The following FOCAD variants were observed in gnomAD, a reference collection of about 807,000 sequenced individuals.
FOCAD encodes focadhesin, also known as KIAA1797.
FOCAD carries 198 observed loss-of-function variants against 225.6 expected under a neutral mutation model. The ratio of observed to expected loss-of-function variants is 0.88; its 90% CI spans 0.78 to 0.99. FOCAD has a LOEUF of 0.99. Ranked by LOEUF, FOCAD falls within the 50% of genes least tolerant of loss-of-function variation. The pLI is 0.00. For synonymous variants in FOCAD, 897 were observed against 755.0 expected, an observed-to-expected ratio of 1.19 and a Z score of -3.08; for missense variants, 2,713 against 2,123.6, an observed-to-expected ratio of 1.28 and a Z score of -5.46.
At chr9:20,812,789 G>A (rs1316062986) in intron 11 of FOCAD, among the ~76,000 whole-genome samples, 16 of 151,814 alleles carry the variant, frequency 1.1e-4, no homozygotes, top group Admixed American at 6.6e-5. Flanking sequence ...TTTAATCTTC[G>A]GTAAAATAAA....
At chr9:20,935,405 T>A (rs1341585554) in intron 28 of FOCAD, among the ~76,000 whole-genome samples, 1 of 152,160 alleles carries the variant, frequency 6.6e-6, no homozygotes, top group East Asian at 1.9e-4. Flanking sequence ...TTATTTTTAT[T>A]TATGTATTTA....
chr9:20,692,426 G>T (rs112923405), intron 1 of FOCAD, among the ~76,000 whole-genome samples: 1 of 152,060 alleles, frequency 6.6e-6, no homozygotes, highest in East Asian at 1.9e-4. Context: ...CTAAGCCCCC[G>T]TTGTTTATGT....
intron 24 of FOCAD, among the ~76,000 whole-genome samples, chr9:20,917,602 C>T (rs895804704): frequency 1.3e-5 from 2 of 152,054 alleles, no homozygotes; most frequent in Non-Finnish European, 2.9e-5. Context: ...CACTCCCTTC[C>T]ACCATCTTCT....
intron 21 of FOCAD, among the ~76,000 whole-genome samples, chr9:20,887,401 A>G (rs1030597015): frequency 6.6e-6 from 1 of 151,820 alleles, no homozygotes; most frequent in South Asian, 2.1e-4. Context: ...CGCCCAGCTA[A>G]TTTTTGTATT....
intron 5 of FOCAD, among the ~76,000 whole-genome samples, chr9:20,754,354 C>T (rs747249503): frequency 2.6e-5 from 4 of 152,032 alleles, no homozygotes; most frequent in Non-Finnish European, 5.9e-5. Context: ...TTCTTTAATG[C>T]CTTTTATTCT....
intron 11 of FOCAD, among the ~76,000 whole-genome samples, chr9:20,791,354 C>T (rs548723844): frequency 6.6e-6 from 1 of 151,952 alleles, no homozygotes; most frequent in Non-Finnish European, 1.5e-5. Flanking sequence ...ATTTTTAGTT[C>T]CCAATTAATA....
intron 1 of FOCAD, among the ~76,000 whole-genome samples, chr9:20,714,525 A>G (rs1189539633): frequency 6.6e-6 from 1 of 152,028 alleles, no homozygotes; most frequent in Non-Finnish European, 1.5e-5. Flanking sequence ...GAAATGGGAT[A>G]AATTGGGATC....
At chr9:20,806,265 G>C (rs941424693) in intron 11 of FOCAD, among the ~76,000 whole-genome samples, 1 of 152,140 alleles carries the variant, frequency 6.6e-6, no homozygotes, top group African/African-American at 2.4e-5. Context: ...TATTCTATAT[G>C]AAGTATTATT....
At chr9:20,934,374 G>A (rs1253710846) in intron 28 of FOCAD, among the ~76,000 whole-genome samples, 1 of 152,126 alleles carries the variant, frequency 6.6e-6, no homozygotes, top group Non-Finnish European at 1.5e-5. Flanking sequence ...ATCTTGAGTT[G>A]ATTTTTGGAT....
intron 1 of FOCAD, among the ~76,000 whole-genome samples, chr9:20,698,186 T>C (rs1823535198): frequency 6.6e-6 from 1 of 152,222 alleles, no homozygotes; most frequent in Non-Finnish European, 1.5e-5. Flanking sequence ...AAATAAGTAA[T>C]GTATGCCCCA....
At chr9:20,727,071 G>C (rs764013554) in intron 4 of FOCAD, among the ~76,000 whole-genome samples, 3 of 152,138 alleles carry the variant, frequency 2.0e-5, no homozygotes, top group Non-Finnish European at 4.4e-5. Context: ...ACTTTTAGTA[G>C]AGAGTGACAG....
At chr9:20,851,200 A>G (rs2131620900) in intron 15 of FOCAD, among the ~76,000 whole-genome samples, 1 of 151,088 alleles carries the variant, frequency 6.6e-6, no homozygotes, top group African/African-American at 2.4e-5. Flanking sequence ...GAAAACCATG[A>G]AAGAGTTTTG....
chr9:20,821,992 T>C (rs1824369214), intron 14 of FOCAD, among the ~76,000 whole-genome samples: 1 of 80,616 alleles, frequency 1.2e-5, no homozygotes, highest in Non-Finnish European at 2.4e-5. Flanking sequence ...AATGTAAAAG[T>C]TACTAAAAAA....
intron 18 of FOCAD, among the ~76,000 whole-genome samples, chr9:20,868,427 TA>T (rs1166497540): frequency 3.3e-5 from 5 of 152,106 alleles, no homozygotes; most frequent in South Asian, 2.1e-4. Context: ...GACATGCTTA[TA>T]TTTTTTTTCT....
At chr9:20,763,434 T>G (rs573034552) in intron 6 of FOCAD, among the ~76,000 whole-genome samples, 1 of 152,318 alleles carries the variant, frequency 6.6e-6, no homozygotes, top group East Asian at 1.9e-4. Context: ...GCCATTGCAC[T>G]CTAGCCTGGG....
At chr9:20,743,479 A>T (rs1156851347) in intron 5 of FOCAD, among the ~76,000 whole-genome samples, 1 of 152,172 alleles carries the variant, frequency 6.6e-6, no homozygotes, top group Non-Finnish European at 1.5e-5. Flanking sequence ...AATAAGTTGT[A>T]CCAGTATGGG....
chr9:20,716,150 A>G (rs1294941942), intron 2 of FOCAD: 5 of 477,632 alleles, frequency 1.0e-5, no homozygotes, highest in East Asian at 5.6e-5. Context: ...GGAGTAGAAC[A>G]CTCCTTATGC....
At chr9:20,920,035 A>G (rs1180880778) in intron 24 of FOCAD, among the ~76,000 whole-genome samples, 1 of 152,098 alleles carries the variant, frequency 6.6e-6, no homozygotes, top group African/African-American at 2.4e-5. Flanking sequence ...AACCTACAAA[A>G]TGGGAGAAAA....
intron 21 of FOCAD, among the ~76,000 whole-genome samples, chr9:20,899,140 G>T (rs1832354467): frequency 6.6e-6 from 1 of 151,812 alleles, no homozygotes; most frequent in Non-Finnish European, 1.5e-5. Flanking sequence ...TTTTCTGATG[G>T]CAGACCTTGT....
Sources: gnomAD v4.1 joint callset for allele counts (sites outside exome capture counted in the v4.1 genomes callset) on GRCh38, gnomAD v4.1.1 for gene constraint, MANE v1.5 for transcripts, NCBI Gene and HGNC (gene_info 2026-07-23, HGNC 2026-07-21) for gene names.